IFT88: variants seen among roughly 807,000 people sequenced by gnomAD.
IFT88 encodes the protein intraflagellar transport protein 88 homolog.
Under a neutral mutation model 119.5 loss-of-function variants are expected in IFT88, and 74 were observed. The ratio of observed to expected loss-of-function variants is 0.62; its 90% CI spans 0.51 to 0.75. IFT88 has a LOEUF of 0.75. Among genes scored for constraint, IFT88 ranks in the 30% least tolerant of loss-of-function variants. The pLI, the probability that IFT88 is intolerant of heterozygous loss-of-function variation, is 0.00. For synonymous variants in IFT88, 279 were observed against 316.7 expected (o/e 0.88, Z 1.26); for missense variants, 961 against 977.7 (o/e 0.98, Z 0.23).
intron 14 of IFT88, among the ~76,000 whole-genome samples, chr13:20,617,985 C>T (rs1047152590): frequency 9.2e-5 from 14 of 152,158 alleles, no homozygotes; most frequent in Admixed American, 2.0e-4. Context: ...AGGGTTTCGC[C>T]GTGTTGGCTG....
chr13:20,644,868 T>G lies in IFT88; in HGVS notation c.1859T>G (p.Ile620Ser). 6 of 1,584,906 alleles carry G rather than the reference T, an allele frequency of 3.8e-6. No individual in the cohort carries two copies. The highest frequency in any genetic ancestry group is 5.2e-6 in the Non-Finnish European group (6 of 1,157,768). Residue 620 changes from isoleucine to serine, a missense_variant, in exon 20 of 26, where the codon ATT becomes AGT. Physicochemically the swap from Ile to Ser is moderately radical, Grantham distance 142. Transcript: ENST00000351808. The stretch of plus-strand genomic sequence containing the variant: ...TCATATAGGTATTTTCCTTGTAATA[T>G]TGAAGTCATTGAGTGGCTTGGAGCC... ...YESYRYFPCNIEVIEWLGAYY... is the reference protein window; with the variant it reads ...YESYRYFPCNSEVIEWLGAYY...
chr13:20,590,961 T>A lies in IFT88; in HGVS notation c.211-6T>A. 1 of 1,602,476 alleles carries A rather than the reference T, an allele frequency of 6.2e-7. No individual in the cohort carries two copies. The highest frequency in any genetic ancestry group is 8.5e-7 in the Non-Finnish European group (1 of 1,171,970). On this transcript the variant is annotated splice_polypyrimidine_tract_variant and splice_region_variant and intron_variant, in intron 4 of 25. Coordinates refer to ENST00000351808, the MANE Select transcript of IFT88 (RefSeq NM_006531.5). Reference sequence around the variant, plus strand: ...ATCTTTTTAACTTAACTTTTCTGTTTACTAGTCCAAGACATCTCTGGCATC... The same window carrying A: ...ATCTTTTTAACTTAACTTTTCTGTTAACTAGTCCAAGACATCTCTGGCATC...
chr13:20,605,020 AT>A lies in IFT88; in HGVS notation c.1042-11del. On this transcript the variant is annotated splice_polypyrimidine_tract_variant and intron_variant, in intron 12 of 25. Coordinates refer to ENST00000351808, the MANE Select transcript of IFT88 (RefSeq NM_006531.5). ...TTCTGAATTATTCTTTTTTTCTTCC[AT>A]TTTATTTTACCAGGATGATCCTCAT... is the stretch of plus-strand genomic sequence containing the variant. 7.8e-7 allele frequency: 1 copy of A among 1,286,718 alleles called. No homozygotes were observed. Among genetic ancestry groups the A allele is most frequent in the East Asian group, 2.3e-5 (1 of 42,820 alleles). 79.7% of individuals were successfully genotyped at this position (1,286,718 alleles called of 1,614,324 possible). A position where few individuals can be genotyped will look rare whatever the true frequency, so the allele number is the denominator to read the frequency against.
chr13:20,671,388 C>T (rs1566439082), intron 24 of IFT88, among the ~76,000 whole-genome samples: 1 of 152,088 alleles, frequency 6.6e-6, no homozygotes, highest in South Asian at 2.1e-4. Context: ...GGAAGTGCCA[C>T]GAGAAGGAGG....
intron 25 of IFT88, 31 bp downstream of exon 25, chr13:20,690,846 A>G (rs2032641931): frequency 2.6e-6 from 4 of 1,514,860 alleles, no homozygotes; most frequent in East Asian, 2.3e-5. Context: ...TCCTCCAGGC[A>G]TAGCAGGTCT....
At chr13:20,598,172 A>G (rs1285032081) in intron 9 of IFT88, among the ~76,000 whole-genome samples, 2 of 152,206 alleles carry the variant, frequency 1.3e-5, no homozygotes, top group Non-Finnish European at 2.9e-5. Context: ...TTTCAGGGAT[A>G]ATTTATGATG....
At chr13:20,623,434 C>A (rs2046835713) in intron 14 of IFT88, among the ~76,000 whole-genome samples, 2 of 152,110 alleles carry the variant, frequency 1.3e-5, no homozygotes, top group Non-Finnish European at 2.9e-5. Context: ...AGTAAGTCTT[C>A]TGGTCCATAA....
chr13:20,572,480 A>G (rs190485421), intron 1 of IFT88, among the ~76,000 whole-genome samples: 9 of 152,250 alleles, frequency 5.9e-5, no homozygotes, highest in Non-Finnish European at 8.8e-5. Flanking sequence ...TGGCCCTCCA[A>G]AGTCCTGAAA....
At chr13:20,594,355 T>C (rs373537525) in intron 7 of IFT88, among the ~76,000 whole-genome samples, 7 of 152,306 alleles carry the variant, frequency 4.6e-5, no homozygotes, top group African/African-American at 1.7e-4. Context: ...AGCAGCCCTG[T>C]ACCTGAAGCA....
At chr13:20,633,227 T>C (rs1200745800) in intron 16 of IFT88, among the ~76,000 whole-genome samples, 2 of 152,228 alleles carry the variant, frequency 1.3e-5, no homozygotes, top group Non-Finnish European at 2.9e-5. Context: ...AGAGGTTTAA[T>C]TGACTCACAT....
At chr13:20,615,603 T>C (rs771204986) in intron 13 of IFT88, among the ~76,000 whole-genome samples, 190 bp from the exon 14 acceptor site, 20 of 152,190 alleles carry the variant, frequency 1.3e-4, no homozygotes, top group Non-Finnish European at 2.6e-4. Context: ...AATCATGGCT[T>C]GCTAATTACG....
chr13:20,604,966 A>G (rs2043179444), intron 12 of IFT88, 69 bp from the exon 13 acceptor site: 5 of 821,816 alleles, frequency 6.1e-6, no homozygotes, highest in South Asian at 1.6e-5. Context: ...AAAACAAAAC[A>G]AAACAAAAAT....
intron 2 of IFT88, 70 bp from the exon 3 acceptor site, chr13:20,582,887 G>C: frequency 8.5e-7 from 1 of 1,171,654 alleles, no homozygotes; most frequent in South Asian, 1.3e-5. Context: ...GTACCAAACA[G>C]CAGTTTAAAC....
At chr13:20,613,591 T>C (rs1265813626) in intron 13 of IFT88, among the ~76,000 whole-genome samples, 1 of 152,152 alleles carries the variant, frequency 6.6e-6, no homozygotes, top group Non-Finnish European at 1.5e-5. Flanking sequence ...TACCCAAAAG[T>C]AATCAGAGTA....
chr13:20,687,403 A>T (rs1372600762), intron 24 of IFT88, among the ~76,000 whole-genome samples: 1 of 136,124 alleles, frequency 7.3e-6, no homozygotes, highest in African/African-American at 3.3e-5. Context: ...CAGGTGCCAC[A>T]CTTTACACAC....
At chr13:20,607,397 G>A in intron 13 of IFT88, 3 of 620,702 alleles carry the variant, frequency 4.8e-6, no homozygotes, top group South Asian at 4.5e-5. Context: ...CATTTGGGTG[G>A]TCCTCCTGTC....
Position 20,641,674 on chromosome 13 carries a change from A to G in IFT88, c.1682+276A>G, listed in dbSNP as rs1449127400. Reference sequence around the variant, plus strand: ...AATTAGGACATTTTCGGTACATATAAGCCATTCATTGAAAGTCAATTTGGT... The same window carrying G: ...AATTAGGACATTTTCGGTACATATAGGCCATTCATTGAAAGTCAATTTGGT... On this transcript the variant is annotated intron_variant, in intron 18 of 25. Coordinates refer to ENST00000351808, the MANE Select transcript of IFT88 (RefSeq NM_006531.5). 5 of 246,650 alleles carry G rather than the reference A, an allele frequency of 2.0e-5. No individual in the cohort carries two copies. The South Asian group carries it at 2.5e-4, about 12-fold the overall frequency. 15.3% of individuals were successfully genotyped at this position (246,650 alleles called of 1,614,324 possible).
At position 20,654,061 on chromosome 13, in the gene IFT88, A is replaced by C. The variant is rs534455815; in HGVS notation, c.2002+133A>C. On this transcript the variant is annotated intron_variant, in intron 21 of 25. Transcript: ENST00000351808. The stretch of plus-strand genomic sequence containing the variant: ...CTTTTTATAACTGTACATAATTCAA[A>C]GCATTGTATGAAAAACACAATAATT... 4 of 441,316 alleles carry C rather than the reference A, an allele frequency of 9.1e-6. No individual in the cohort carries two copies. The East Asian group carries it at 1.4e-4, about 15-fold the overall frequency. 27.3% of individuals were successfully genotyped at this position (441,316 alleles called of 1,614,324 possible). A position where few individuals can be genotyped will look rare whatever the true frequency, so the allele number is the denominator to read the frequency against.
intron 16 of IFT88, among the ~76,000 whole-genome samples, chr13:20,634,735 CAAA>C (rs377403226): frequency 7.9e-6 from 1 of 125,864 alleles, no homozygotes; most frequent in Non-Finnish European, 1.7e-5. Flanking sequence ...CTCAAACAAA[CAAA>C]AAAAAAAAAA....
Sources: gnomAD v4.1 joint callset for allele counts (sites outside exome capture counted in the v4.1 genomes callset) on GRCh38, gnomAD v4.1.1 for gene constraint, MANE v1.5 for transcripts, NCBI Gene and HGNC (gene_info 2026-07-23, HGNC 2026-07-21) for gene names.